The following SLCO3A1 variants were observed in gnomAD, a reference collection of about 807,000 sequenced individuals.
SLCO3A1 encodes solute carrier organic anion transporter family member 3A1, also known as PGE1 transporter.
A neutral mutation model predicts 63.1 loss-of-function variants in SLCO3A1; 27 were observed. The ratio of observed to expected loss-of-function variants is 0.43; its 90% CI spans 0.32 to 0.59. The LOEUF (loss-of-function observed/expected upper bound fraction) is 0.59. Ranked by LOEUF, SLCO3A1 falls within the 20% of genes least tolerant of loss-of-function variation. SLCO3A1 has a pLI of 0.09. For synonymous variants in SLCO3A1, 473 were observed against 409.9 expected (o/e 1.15, Z -1.86); for missense variants, 773 against 945.8 (o/e 0.82, Z 2.40).
chr15:92,087,775 T>C (rs1461201736), intron 2 of SLCO3A1, among the ~76,000 whole-genome samples: 2 of 152,176 alleles, frequency 1.3e-5, no homozygotes, highest in African/African-American at 2.4e-5. Context: ...TGCCTCGGCC[T>C]CCCAAAGTGC....
Position 91,862,945 on chromosome 15 carries a change from C to G in SLCO3A1, c.180+8857C>G, listed in dbSNP as rs974671012. ...GGCTGTTTCTAATTGTTGAATTTGT[C>G]TCCCAACTTCAGCTGATTAGAAGGA... On this transcript the variant is annotated intron_variant, in intron 1 of 9. Coordinates refer to ENST00000318445, the MANE Select transcript of SLCO3A1 (RefSeq NM_013272.4). This position sits in a 1 kb window ranked among gnomAD's most constrained non-coding sequence, Gnocchi z 4.0. 6.6e-6 allele frequency among the ~76,000 whole-genome samples: 1 copy of G among 152,222 alleles called. No individual in the cohort carries two copies. The highest frequency in any genetic ancestry group is 1.5e-5 in the Non-Finnish European group (1 of 68,038).
chr15:91,985,869 G>A lies in SLCO3A1; in HGVS notation c.646+69411G>A, dbSNP rs771312108. 3.9e-5 allele frequency among the ~76,000 whole-genome samples: 6 copies of A among 152,332 alleles called. No individual in the cohort carries two copies. The East Asian group carries it at 5.8e-4, about 15-fold the overall frequency. On this transcript the variant is annotated intron_variant, in intron 2 of 9. Coordinates refer to ENST00000318445, the MANE Select transcript of SLCO3A1 (RefSeq NM_013272.4). ...AGGACGGAAGGAGGAATGAGTGCAC[G>A]GAGCTGGTTCCTGTGGGCTTCCTAG...
At chr15:92,066,262 C>A (rs1373891060) in intron 2 of SLCO3A1, among the ~76,000 whole-genome samples, 1 of 152,250 alleles carries the variant, frequency 6.6e-6, no homozygotes, top group Admixed American at 6.5e-5. Flanking sequence ...TGCCCTCAGG[C>A]TCTTCAGGGG....
At chr15:92,086,464 T>G (rs1396420006) in intron 2 of SLCO3A1, among the ~76,000 whole-genome samples, 1 of 152,204 alleles carries the variant, frequency 6.6e-6, no homozygotes, top group East Asian at 1.9e-4. Flanking sequence ...GTTTTTTTCT[T>G]TCTCATCAAT....
chr15:91,867,548 C>T lies in SLCO3A1; in HGVS notation c.180+13460C>T, dbSNP rs575559491. ...AAATAAAACCACTTTTGCTTGGCCT[C>T]GGATGTATCAGTTCTGGATAACTTT... On this transcript the variant is annotated intron_variant, in intron 1 of 9. Transcript: ENST00000318445. Among the ~76,000 whole-genome samples the T allele has an allele frequency of 5.3e-5, 8 of 151,204 alleles. 1 individual carries two copies. In the South Asian group the frequency reaches 1.5e-3, roughly 28 times the overall value.
chr15:91,969,378 T>G (rs1163773010), intron 2 of SLCO3A1, among the ~76,000 whole-genome samples: 1 of 152,026 alleles, frequency 6.6e-6, no homozygotes, highest in Non-Finnish European at 1.5e-5. Flanking sequence ...CAATCTTGGC[T>G]CACTGCAACC....
chr15:91,998,350 A>G (rs2046215780), intron 2 of SLCO3A1, among the ~76,000 whole-genome samples: 1 of 152,132 alleles, frequency 6.6e-6, no homozygotes, highest in Non-Finnish European at 1.5e-5. Context: ...GCTACTCAGG[A>G]GGCTGAGGCA....
intron 4 of SLCO3A1, among the ~76,000 whole-genome samples, chr15:92,106,715 C>T (rs1313607294): frequency 1.3e-5 from 2 of 152,182 alleles, no homozygotes; most frequent in East Asian, 3.8e-4. Flanking sequence ...AGGACCAGGT[C>T]TGCAAGTCAG....
intron 2 of SLCO3A1, among the ~76,000 whole-genome samples, chr15:92,004,485 T>C (rs1359659688): frequency 3.3e-5 from 5 of 152,246 alleles, no homozygotes; most frequent in Non-Finnish European, 7.3e-5. Context: ...GTTTTAGTAA[T>C]TCTGCTCCAC....
intron 2 of SLCO3A1, among the ~76,000 whole-genome samples, chr15:92,068,897 C>T (rs368091414): frequency 1.3e-5 from 2 of 152,314 alleles, no homozygotes; most frequent in South Asian, 4.1e-4. Context: ...GTGCCTCATT[C>T]GCCCCACCTG....
chr15:91,995,280 A>G (rs906375915), intron 2 of SLCO3A1, among the ~76,000 whole-genome samples: 2 of 152,172 alleles, frequency 1.3e-5, no homozygotes, highest in African/African-American at 2.4e-5. Context: ...CTGACGTGAG[A>G]CTTCGGACAA....
At chr15:91,896,252 T>C (rs1354629000) in intron 1 of SLCO3A1, among the ~76,000 whole-genome samples, 8 of 152,184 alleles carry the variant, frequency 5.3e-5, no homozygotes, top group African/African-American at 1.9e-4. Flanking sequence ...CCTCTAACTC[T>C]GGAAACCAGC....
At chr15:91,986,308 C>T (rs2046052348) in intron 2 of SLCO3A1, among the ~76,000 whole-genome samples, 1 of 152,106 alleles carries the variant, frequency 6.6e-6, no homozygotes, top group Non-Finnish European at 1.5e-5. Flanking sequence ...GGTGTTCACC[C>T]CATGGGATTC....
At position 91,900,446 on chromosome 15, in the gene SLCO3A1, C is replaced by T. The variant is rs1413593244; in HGVS notation, c.181-15547C>T. Among the ~76,000 whole-genome samples the T allele has an allele frequency of 6.6e-6, 1 of 152,208 alleles. No homozygotes were observed. The highest frequency in any genetic ancestry group is 1.9e-4 in the East Asian group (1 of 5,198). The stretch of plus-strand genomic sequence containing the variant: ...CTGGGTTCAAGCGATTCTCCTGCCT[C>T]AGCCTCCCCAGTAGCTGGGATTACA... On this transcript the variant is annotated intron_variant, in intron 1 of 9. Transcript: ENST00000318445. This position sits in a 1 kb window ranked among gnomAD's most constrained non-coding sequence, Gnocchi z 4.3.
At chr15:92,162,133 C>CTTTTTTTTTTT (rs397854182) in intron 9 of SLCO3A1, 4 of 59,368 alleles carry the variant, frequency 6.7e-5, no homozygotes, top group Non-Finnish European at 1.2e-4. Context: ...GTTCTAGATG[C>CTTTTTTTTTTT]TTTTTTTTTT....
chr15:91,853,834 C>G lies in SLCO3A1; in HGVS notation c.-75C>G. 3 of 1,195,164 alleles carry G rather than the reference C, an allele frequency of 2.5e-6. No individual in the cohort carries two copies. Among genetic ancestry groups the G allele is most frequent in the Non-Finnish European group, 3.1e-6 (3 of 968,680 alleles). The allele number at this position is 1,195,164 out of a possible 1,614,324, so 74.0% of individuals were successfully genotyped here. A position where few individuals can be genotyped will look rare whatever the true frequency, so the allele number is the denominator to read the frequency against. ...CGCAGCCTCGAGGCGCGCACCCCCG[C>G]CCGGCAGCGGCCCCGACACCCGGGG... On this transcript the variant is annotated 5_prime_UTR_variant, in exon 1 of 10. Transcript: ENST00000318445.
At chr15:91,951,406 G>A (rs1465755001) in intron 2 of SLCO3A1, among the ~76,000 whole-genome samples, 1 of 152,052 alleles carries the variant, frequency 6.6e-6, no homozygotes, top group African/African-American at 2.4e-5. Flanking sequence ...TCCTTTTTAT[G>A]GCTTAATAAT....
intron 2 of SLCO3A1, among the ~76,000 whole-genome samples, chr15:91,997,469 C>T (rs2046205111): frequency 6.6e-6 from 1 of 152,186 alleles, no homozygotes; most frequent in African/African-American, 2.4e-5. Flanking sequence ...TCCTGTCAAA[C>T]TACCAACGTC....
intron 2 of SLCO3A1, among the ~76,000 whole-genome samples, chr15:91,991,463 T>A (rs2046125481): frequency 1.3e-5 from 2 of 152,238 alleles, no homozygotes; most frequent in Non-Finnish European, 1.5e-5. Context: ...TGTCTGTTAG[T>A]CCTGTGTGGG....
Sources: gnomAD v4.1 joint callset for allele counts (sites outside exome capture counted in the v4.1 genomes callset) on GRCh38, gnomAD v4.1.1 for gene constraint, Gnocchi (gnomAD v3.1) non-coding constraint, MANE v1.5 for transcripts, NCBI Gene and HGNC (gene_info 2026-07-23, HGNC 2026-07-21) for gene names.